BMP8B: variants seen among roughly 807,000 people sequenced by gnomAD.
BMP8B encodes bone morphogenetic protein 8b, also known as bone morphogenetic protein 8 (osteogenic protein 2).
BMP8B carries 17 observed loss-of-function variants against 30.3 expected under a neutral mutation model. The ratio of observed to expected loss-of-function variants is 0.56; its 90% CI spans 0.38 to 0.84. The LOEUF (loss-of-function observed/expected upper bound fraction) is 0.84, where lower values mean the gene tolerates loss of function less well. Ranked by LOEUF, BMP8B falls within the 40% of genes least tolerant of loss-of-function variation. The pLI, the probability that BMP8B is intolerant of heterozygous loss-of-function variation, is 0.00. For synonymous variants in BMP8B, 131 were observed against 214.7 expected (o/e 0.61, Z 3.41); for missense variants, 253 against 494.6 (o/e 0.51, Z 4.63).
chr1:39,760,408 G>C lies in BMP8B; in HGVS notation c.*11C>G, dbSNP rs369894443. 77 of 1,613,364 alleles carry C rather than the reference G, an allele frequency of 4.8e-5. No homozygotes were observed. Among genetic ancestry groups the C allele is most frequent in the Middle Eastern group, 1.6e-4 (1 of 6,080 alleles). On this transcript the variant is annotated 3_prime_UTR_variant, in exon 7 of 7. Coordinates refer to ENST00000372827, the MANE Select transcript of BMP8B (RefSeq NM_001720.5). ...GAGAAGGGTGGCTGCAGCTGGGCCGGGCGGGTGGACTCAGTGGCAGCCGCA... is the reference window on the plus strand; with the variant it reads ...GAGAAGGGTGGCTGCAGCTGGGCCGCGCGGGTGGACTCAGTGGCAGCCGCA...
chr1:39,767,094 G>T (rs1332988930), intron 3 of BMP8B, among the ~76,000 whole-genome samples: 1 of 151,888 alleles, frequency 6.6e-6, no homozygotes, highest in African/African-American at 2.4e-5. Flanking sequence ...TCTTATGGGG[G>T]GTCTCCCAGA....
rs768993361 is a variant in BMP8B at position 39,788,141 on chromosome 1, G to C, written c.334+11C>G. 1.4e-5 allele frequency: 22 copies of C among 1,552,564 alleles called. No individual in the cohort carries two copies. Among genetic ancestry groups the C allele is most frequent in the Non-Finnish European group, 1.8e-5 (21 of 1,161,468 alleles). On this transcript the variant is annotated intron_variant, in intron 1 of 6. Coordinates refer to ENST00000372827, the MANE Select transcript of BMP8B (RefSeq NM_001720.5). The surrounding 1 kb of genome is among the most constrained non-coding windows in gnomAD (Gnocchi z 5.8). The stretch of plus-strand genomic sequence containing the variant: ...TACTCCGAGGGTCCCCGCGCGGGCG[G>C]CCGCACTCACCCATGTTAACGAAGC...
rs762907004 is a variant in BMP8B at position 39,760,555 on chromosome 1, A to T, written c.1073T>A (p.Met358Lys). Residue 358 changes from methionine (M) to lysine (K), a missense_variant, in exon 7 of 7, where the codon ATG (methionine) becomes AAG (lysine). By Grantham distance (95) the Met-to-Lys change is moderately conservative. This residue lies in a region of BMP8B where 116 missense variants were observed against 142.3 expected (regional missense o/e 0.81). Coordinates refer to ENST00000372827, the MANE Select transcript of BMP8B (RefSeq NM_001720.5). Reference protein sequence around the residue: ...AILQSLVHLMMPDAVPKACCA... With the variant: ...AILQSLVHLMKPDAVPKACCA... ...GCACGCCTTGGGGACTGCGTCTGGC[A>T]TCATCAGGTGCACCTGGCCAGGAAG... is the stretch of plus-strand genomic sequence containing the variant. 5.0e-6 allele frequency: 8 copies of T among 1,613,830 alleles called. No individual in the cohort carries two copies. Among genetic ancestry groups the T allele is most frequent in the Non-Finnish European group, 3.4e-6 (4 of 1,179,974 alleles).
chr1:39,763,467 C>G (rs1308639004), intron 5 of BMP8B, among the ~76,000 whole-genome samples: 6 of 144,956 alleles, frequency 4.1e-5, no homozygotes, highest in Admixed American at 1.3e-4. Context: ...AGTTACCCTG[C>G]AGCAATGCTG....
At chr1:39,768,124 A>G (rs1171866294) in intron 3 of BMP8B, among the ~76,000 whole-genome samples, 1 of 151,406 alleles carries the variant, frequency 6.6e-6, no homozygotes, top group African/African-American at 2.4e-5. Flanking sequence ...AGTTTTTGAG[A>G]CTATAGATTC....
intron 6 of BMP8B, chr1:39,762,594 A>C: frequency 6.5e-7 from 1 of 1,550,262 alleles, no homozygotes. Flanking sequence ...ACTGGGGGAA[A>C]AGCCAAAAGG....
Position 39,760,242 on chromosome 1 carries a change from G to C in BMP8B, c.*177C>G. The C allele has an allele frequency of 9.2e-7, 1 of 1,083,610 alleles. No individual in the cohort carries two copies. Among genetic ancestry groups the C allele is most frequent in the Non-Finnish European group, 1.3e-6 (1 of 777,124 alleles). The allele number at this position is 1,083,610 out of a possible 1,614,324, so 67.1% of individuals were successfully genotyped here. A position where few individuals can be genotyped will look rare whatever the true frequency, so the allele number is the denominator to read the frequency against. On this transcript the variant is annotated 3_prime_UTR_variant, in exon 7 of 7. Transcript: ENST00000372827. ...AACAGGACAGTCACACAAATGCCTG[G>C]CAGGGCAAGGGGAGCATAGGAGCCT...
At chr1:39,763,536 G>GA in intron 5 of BMP8B, 176 bp downstream of exon 5, 4 of 1,046,378 alleles carry the variant, frequency 3.8e-6, no homozygotes, top group Non-Finnish European at 3.9e-6. Context: ...ACAAAAAACT[G>GA]AACAAAAAAA....
intron 6 of BMP8B, chr1:39,762,634 G>A: frequency 1.3e-6 from 2 of 1,546,138 alleles, no homozygotes; most frequent in Middle Eastern, 3.4e-4. Context: ...GAAGCTTCCT[G>A]CCTGCGGTGC....
intron 1 of BMP8B, among the ~76,000 whole-genome samples, chr1:39,782,016 C>T (rs1010549191): frequency 4.6e-5 from 7 of 152,062 alleles, no homozygotes; most frequent in Admixed American, 6.5e-5. Flanking sequence ...ATTAGCCGTG[C>T]GTGGTGGCGG....
intron 6 of BMP8B, among the ~76,000 whole-genome samples, chr1:39,762,805 A>G (rs1246737536): frequency 2.6e-5 from 4 of 152,258 alleles, no homozygotes; most frequent in Non-Finnish European, 2.9e-5. Flanking sequence ...AGCGCTGCAC[A>G]CAGGTGCGTA....
chr1:39,776,468 C>T (rs748059013), intron 1 of BMP8B, among the ~76,000 whole-genome samples: 22 of 152,178 alleles, frequency 1.4e-4, no homozygotes, highest in Admixed American at 2.6e-4. Context: ...TCAGTGACCA[C>T]GGTCAGGTTT....
chr1:39,771,729 C>T (rs1407981752), intron 3 of BMP8B, among the ~76,000 whole-genome samples: 2 of 147,636 alleles, frequency 1.4e-5, no homozygotes, highest in Non-Finnish European at 3.0e-5. Flanking sequence ...TGTGACAACC[C>T]GGAGAGTGAG....
chr1:39,786,065 C>A (rs1298321887), intron 1 of BMP8B, among the ~76,000 whole-genome samples: 1 of 152,154 alleles, frequency 6.6e-6, no homozygotes, highest in Non-Finnish European at 1.5e-5. Context: ...TGGATGTCAC[C>A]CCGGATGTGC....
rs1648422105 is a variant in BMP8B, at chr1:39,757,618, T to C, written c.*2801A>G. 6.6e-6 allele frequency: 1 copy of C among 152,308 alleles called. No individual in the cohort carries two copies. Among genetic ancestry groups the C allele is most frequent in the South Asian group, 2.1e-4 (1 of 4,834 alleles). The allele number at this position is 152,308 out of a possible 1,614,324, so 9.4% of individuals were successfully genotyped here. ...TCTCTTCCTGTCAACTGTCATTGATTTCTCATTGCTGTCAGTAGATCTGAA... is the reference window on the plus strand; with the variant it reads ...TCTCTTCCTGTCAACTGTCATTGATCTCTCATTGCTGTCAGTAGATCTGAA... On this transcript the variant is annotated 3_prime_UTR_variant, in exon 7 of 7. Coordinates refer to ENST00000372827, the MANE Select transcript of BMP8B (RefSeq NM_001720.5).
At chr1:39,775,565 G>A (rs1162911895) in intron 1 of BMP8B, among the ~76,000 whole-genome samples, 1 of 152,202 alleles carries the variant, frequency 6.6e-6, no homozygotes, top group Non-Finnish European at 1.5e-5. Flanking sequence ...GCTCAGGGCT[G>A]ACAGCTGAGC....
rs1648457238 is a variant in BMP8B, at chr1:39,757,865, C to T, written c.*2554G>A. The stretch of plus-strand genomic sequence containing the variant: ...CTCAAGGGATTTTTCTATTTTATTT[C>T]ATTTGGTGACTATCTGGATGATAAA... On this transcript the variant is annotated 3_prime_UTR_variant, in exon 7 of 7. Transcript: ENST00000372827. The T allele has an allele frequency of 6.6e-6, 1 of 152,188 alleles. No individual in the cohort carries two copies. The highest frequency in any genetic ancestry group is 2.1e-4 in the South Asian group (1 of 4,832). 9.4% of individuals were successfully genotyped at this position (152,188 alleles called of 1,614,324 possible).
chr1:39,787,619 G>A lies in BMP8B; in HGVS notation c.334+533C>T, dbSNP rs1321971693. On this transcript the variant is annotated intron_variant, in intron 1 of 6. Transcript: ENST00000372827. ...AAGGCAACAGTCCCTGCCCCAGCGA[G>A]CTGAGTTTGCTCCTTCCCCAGCCGC... Among the ~76,000 whole-genome samples, 48 of 152,064 alleles carry A rather than the reference G, an allele frequency of 3.2e-4. 1 individual carries two copies. Among genetic ancestry groups the A allele is most frequent in the Admixed American group, 3.1e-3 (48 of 15,256 alleles).
chr1:39,788,188 C>T lies in BMP8B; in HGVS notation c.298G>A (p.Gly100Ser), dbSNP rs779282810. 2.0e-5 allele frequency: 31 copies of T among 1,575,264 alleles called. No homozygotes were observed. The highest frequency in any genetic ancestry group is 2.6e-5 in the Non-Finnish European group (30 of 1,170,138). Residue 100 changes from glycine to serine, a missense_variant, in exon 1 of 7, where the codon GGC (glycine) becomes AGC (serine). Gly to Ser is a moderately conservative substitution (Grantham distance 56, BLOSUM62 0). Transcript: ENST00000372827. This position sits in a 1 kb window ranked among gnomAD's most constrained non-coding sequence, Gnocchi z 5.8. ...AAGCTCATGACCAGGTCGGCGCGGC[C>T]CAGGCGCCGCTCCGCGGGCGCGCCG... Reference protein sequence around the residue: ...EDGAPAERRLGRADLVMSFVN... With the variant: ...EDGAPAERRLSRADLVMSFVN...
Sources: gnomAD v4.1 joint callset for allele counts (sites outside exome capture counted in the v4.1 genomes callset) on GRCh38, gnomAD v4.1.1 for gene constraint, gnomAD v4.1.1 regional missense constraint, Gnocchi (gnomAD v3.1) non-coding constraint, MANE v1.5 for transcripts, NCBI Gene and HGNC (gene_info 2026-07-23, HGNC 2026-07-21) for gene names.